Variants in AP1G1 observed in about 807,000 individuals in gnomAD.
AP1G1 encodes adaptor related protein complex 1 subunit gamma 1.
AP1G1 carries 7 observed loss-of-function variants against 108.3 expected under a neutral mutation model. That is an observed-to-expected ratio of 0.06 (90% CI 0.04 to 0.12). The LOEUF (loss-of-function observed/expected upper bound fraction) is 0.12. AP1G1 is among the 10% of genes least tolerant of loss of function. The pLI is 1.00. For missense variants in AP1G1, 756 were observed against 1,010.7 expected (o/e 0.75, Z 3.42); for synonymous variants, 379 against 353.5 (o/e 1.07, Z -0.81).
At chr16:71,744,432 G>A (rs1488438637) in intron 19 of AP1G1, among the ~76,000 whole-genome samples, 6 of 152,100 alleles carry the variant, frequency 3.9e-5, no homozygotes, top group African/African-American at 1.4e-4. Context: ...GTAAGTAGCA[G>A]GTTAACATCT....
chr16:71,776,378 G>GT (rs1489588461), intron 2 of AP1G1, among the ~76,000 whole-genome samples: 3 of 152,194 alleles, frequency 2.0e-5, no homozygotes, highest in African/African-American at 7.2e-5. Flanking sequence ...AAAAGATTAT[G>GT]TAAGTAACAA....
Position 71,733,220 on chromosome 16 carries a change from G to A in AP1G1, c.2368-61C>T, listed in dbSNP as rs908403249. On this transcript the variant is annotated intron_variant, in intron 22 of 22. Coordinates refer to ENST00000299980, the MANE Select transcript of AP1G1 (RefSeq NM_001128.6). ...GAAATGAAATCTCCAGAATCTGTCCGGTCCACAAATAGACTTTTAATCTTA... is the reference window on the plus strand; with the variant it reads ...GAAATGAAATCTCCAGAATCTGTCCAGTCCACAAATAGACTTTTAATCTTA... 4.2e-5 allele frequency: 56 copies of A among 1,339,356 alleles called. 1 individual carries two copies. The highest frequency in any genetic ancestry group is 2.1e-4 in the South Asian group (17 of 80,910). The allele number at this position is 1,339,356 out of a possible 1,614,324, so 83.0% of individuals were successfully genotyped here.
intron 1 of AP1G1, among the ~76,000 whole-genome samples, chr16:71,800,800 CAA>C (rs930269925): frequency 7.7e-6 from 1 of 130,612 alleles, no homozygotes; most frequent in African/African-American, 2.8e-5. Context: ...GACTCCGTCT[CAA>C]AAAAAAAAAA....
intron 2 of AP1G1, among the ~76,000 whole-genome samples, chr16:71,783,750 A>G (rs932902980): frequency 2.0e-5 from 3 of 152,224 alleles, no homozygotes; most frequent in Non-Finnish European, 4.4e-5. Flanking sequence ...ATGGAAATGT[A>G]GATTTCCATT....
intron 11 of AP1G1, 141 bp from the exon 12 acceptor site, chr16:71,756,300 C>T (rs139491587): frequency 1.6e-5 from 10 of 627,040 alleles, no homozygotes; most frequent in Non-Finnish European, 5.2e-6. Flanking sequence ...AATCTTTGCA[C>T]ACGAAATAAC....
intron 1 of AP1G1, chr16:71,806,693 G>A: frequency 7.8e-7 from 1 of 1,287,820 alleles, no homozygotes; most frequent in Non-Finnish European, 1.0e-6. Flanking sequence ...TACTAAATGA[G>A]TGAGCATTAC....
chr16:71,739,006 A>G lies in AP1G1; in HGVS notation c.2204T>C (p.Ile735Thr), dbSNP rs2045585305. The G allele has an allele frequency of 6.2e-7, 1 of 1,614,166 alleles. No homozygotes were observed. Among genetic ancestry groups the G allele is most frequent in the Non-Finnish European group, 8.5e-7 (1 of 1,180,024 alleles). ...TAGCTCTGTGCTGTTGGAGGCCTGTATCGTTATCACTGTTACACTGGGGTT... is the reference window on the plus strand; with the variant it reads ...TAGCTCTGTGCTGTTGGAGGCCTGTGTCGTTATCACTGTTACACTGGGGTT... ...NTNPSVTVIT[I>T]QASNSTELDM... is the part of the protein sequence containing the mutation. Residue 735 changes from isoleucine (I) to threonine (T), a missense_variant, in exon 21 of 23, where the codon ATA becomes ACA. Physicochemically the swap from Ile to Thr is moderately conservative, Grantham distance 89. This residue lies in a region of AP1G1 where 95 missense variants were observed against 160.5 expected (regional missense o/e 0.59). Transcript: ENST00000299980.
intron 2 of AP1G1, among the ~76,000 whole-genome samples, chr16:71,776,881 G>A (rs2031798715): frequency 1.3e-5 from 2 of 151,720 alleles, no homozygotes; most frequent in South Asian, 4.2e-4. Context: ...AGGCCAAGGT[G>A]GATGGATCAC....
intron 1 of AP1G1, among the ~76,000 whole-genome samples, chr16:71,799,431 C>A (rs1300145933): frequency 6.6e-6 from 1 of 152,072 alleles, no homozygotes; most frequent in African/African-American, 2.4e-5. Flanking sequence ...TACATCCACG[C>A]TATAAGACAC....
At chr16:71,758,627 T>C in intron 11 of AP1G1, 181 bp downstream of exon 11, 1 of 605,358 alleles carries the variant, frequency 1.7e-6, no homozygotes, top group Non-Finnish European at 3.0e-6. Context: ...TCCCTGCCAA[T>C]CCTTTCTAAA....
In AP1G1 at chr16:71,777,982, T is replaced by C. The variant is rs112173038; in HGVS notation, c.202-3390A>G. 5.0e-3 allele frequency: 875 copies of C among 176,146 alleles called. 18 individuals carry two copies. The highest frequency in any genetic ancestry group is 0.02 in the African/African-American group (829 of 42,120). The allele number at this position is 176,146 out of a possible 1,614,324, so 10.9% of individuals were successfully genotyped here. A position where few individuals can be genotyped will look rare whatever the true frequency, so the allele number is the denominator to read the frequency against. The stretch of plus-strand genomic sequence containing the variant: ...TGCTCAGTCGGGTCAAGTTTTAAGA[T>C]AGTCACACTAAGTCACCAGTGACTG... On this transcript the variant is annotated intron_variant, in intron 2 of 22. Coordinates refer to ENST00000299980, the MANE Select transcript of AP1G1 (RefSeq NM_001128.6).
intron 1 of AP1G1, chr16:71,807,989 A>G: frequency 8.2e-7 from 1 of 1,224,682 alleles, no homozygotes; most frequent in Non-Finnish European, 1.0e-6. Context: ...CTGCTTCATA[A>G]ACATAATCTG....
At chr16:71,791,763 CTTT>C (rs34099153) in intron 1 of AP1G1, among the ~76,000 whole-genome samples, 8 of 113,376 alleles carry the variant, frequency 7.1e-5, no homozygotes, top group African/African-American at 1.4e-4. Flanking sequence ...TAAACTCTGA[CTTT>C]TTTTTTTTTT....
At chr16:71,796,394 G>C (rs931640773) in intron 1 of AP1G1, among the ~76,000 whole-genome samples, 4 of 152,120 alleles carry the variant, frequency 2.6e-5, no homozygotes, top group African/African-American at 9.7e-5. Flanking sequence ...GTCTGTTTCA[G>C]GCTCACAGTG....
At chr16:71,776,553 T>C (rs1046674419) in intron 2 of AP1G1, among the ~76,000 whole-genome samples, 5 of 152,104 alleles carry the variant, frequency 3.3e-5, no homozygotes, top group African/African-American at 7.2e-5. Flanking sequence ...TTCAAACTGG[T>C]TTTTCAATCT....
intron 19 of AP1G1, among the ~76,000 whole-genome samples, chr16:71,744,609 T>C (rs898465973): frequency 1.9e-4 from 27 of 138,484 alleles, no homozygotes; most frequent in African/African-American, 6.5e-4. Context: ...AGTCTTGCTC[T>C]GTCACCCAGG....
At chr16:71,777,312 G>GT (rs2031823713) in intron 2 of AP1G1, among the ~76,000 whole-genome samples, 1 of 150,996 alleles carries the variant, frequency 6.6e-6, no homozygotes, top group Admixed American at 6.6e-5. Context: ...CTACCAGAGG[G>GT]TGGGGGGAGC....
At chr16:71,791,763 C>T (rs1333657835) in intron 1 of AP1G1, among the ~76,000 whole-genome samples, 45 of 113,366 alleles carry the variant, frequency 4.0e-4, no homozygotes, top group Non-Finnish European at 7.1e-4. Flanking sequence ...TAAACTCTGA[C>T]TTTTTTTTTT....
rs751174235 is a variant in AP1G1 at position 71,739,746 on chromosome 16, C to CA, written c.2000-406dup. On this transcript the variant is annotated intron_variant, in intron 19 of 22. Coordinates refer to ENST00000299980, the MANE Select transcript of AP1G1 (RefSeq NM_001128.6). ...TGGGGGACAGAGCGAGACTCTGTCG[C>CA]AAAAAAAAAAAAAAAAGTAAAGAGA... Among the ~76,000 whole-genome samples, 348 of 51,550 alleles carry CA rather than the reference C, an allele frequency of 6.8e-3. 1 individual carries two copies. Among genetic ancestry groups the CA allele is most frequent in the African/African-American group, 0.01 (130 of 12,962 alleles). 33.8% of individuals were successfully genotyped at this position (51,550 alleles called of 152,430 possible). A position where few individuals can be genotyped will look rare whatever the true frequency, so the allele number is the denominator to read the frequency against.
Sources: gnomAD v4.1 joint callset for allele counts (sites outside exome capture counted in the v4.1 genomes callset) on GRCh38, gnomAD v4.1.1 for gene constraint, gnomAD v4.1.1 regional missense constraint, MANE v1.5 for transcripts, NCBI Gene and HGNC (gene_info 2026-07-23, HGNC 2026-07-21) for gene names.